The following EPHA5 variants were observed in gnomAD, a reference collection of about 807,000 sequenced individuals.
The protein encoded by EPHA5 is ephrin type-A receptor 5.
Under a neutral mutation model 105.0 loss-of-function variants are expected in EPHA5, and 60 were observed. That is an observed-to-expected ratio of 0.57 (90% confidence interval 0.46 to 0.71). The LOEUF (loss-of-function observed/expected upper bound fraction) is 0.71, where lower values mean the gene tolerates loss of function less well. EPHA5 is among the 30% of genes least tolerant of loss of function. EPHA5 has a pLI of 0.00. For synonymous variants in EPHA5, 513 were observed against 449.1 expected (o/e 1.14, Z -1.80); for missense variants, 1,218 against 1,274.7 (o/e 0.96, Z 0.68).
chr4:65,546,836 T>C (rs578064971), intron 3 of EPHA5, among the ~76,000 whole-genome samples: 24 of 127,820 alleles, frequency 1.9e-4, no homozygotes, highest in Admixed American at 8.1e-4. Flanking sequence ...CAAAAAATGT[T>C]ATTTTCTAAA....
intron 3 of EPHA5, among the ~76,000 whole-genome samples, chr4:65,568,855 C>G (rs1739827203): frequency 6.6e-6 from 1 of 150,984 alleles, no homozygotes; most frequent in Admixed American, 6.6e-5. Flanking sequence ...AAGTATTTCT[C>G]TAGTGATCTT....
At chr4:65,503,390 C>T (rs1283897748) in intron 3 of EPHA5, among the ~76,000 whole-genome samples, 2 of 151,820 alleles carry the variant, frequency 1.3e-5, no homozygotes, top group Non-Finnish European at 2.9e-5. Context: ...GGCAACGTCT[C>T]TTGAATAATA....
At chr4:65,362,781 A>G (rs1193992996) in intron 11 of EPHA5, among the ~76,000 whole-genome samples, 1 of 151,706 alleles carries the variant, frequency 6.6e-6, no homozygotes, top group Non-Finnish European at 1.5e-5. Flanking sequence ...CAAATAAACA[A>G]GTTTTGTAAT....
In EPHA5 at chr4:65,480,458, T is replaced by G. The variant is rs181993842; in HGVS notation, c.1402+9919A>C. ...CAAACCAACGGGCCCAGGCAAGATC[T>G]TGATTCAAATAGGCAAATTAAGAAA... is the stretch of plus-strand genomic sequence containing the variant. On this transcript the variant is annotated intron_variant, in intron 5 of 16. Transcript: ENST00000613740. Among the ~76,000 whole-genome samples the G allele has an allele frequency of 4.3e-3, 649 of 152,280 alleles. 3 individuals carry two copies. Among genetic ancestry groups the G allele is most frequent in the African/African-American group, 0.015 (606 of 41,546 alleles).
Position 65,367,675 on chromosome 4 carries a change from C to T in EPHA5, c.1794-251G>A, listed in dbSNP as rs113747856. On this transcript the variant is annotated intron_variant, in intron 8 of 16. Coordinates refer to ENST00000613740, the MANE Select transcript of EPHA5 (RefSeq NM_001281766.3). ...CCATCCAAACCTGTTTTTAAACTTC[C>T]CCTCACCAAATACTGTATACCAGAC... 8.0e-3 allele frequency among the ~76,000 whole-genome samples: 1,221 copies of T among 152,112 alleles called. 12 individuals are homozygous for T. Among genetic ancestry groups the T allele is most frequent in the African/African-American group, 0.028 (1,144 of 41,500 alleles).
At chr4:65,407,295 T>C (rs1722455147) in intron 7 of EPHA5, among the ~76,000 whole-genome samples, 1 of 151,948 alleles carries the variant, frequency 6.6e-6, no homozygotes, top group Non-Finnish European at 1.5e-5. Flanking sequence ...GGAGGAAGAG[T>C]CCACAATTAC....
chr4:65,328,196 T>G (rs1317932868), intron 16 of EPHA5, among the ~76,000 whole-genome samples: 1 of 151,106 alleles, frequency 6.6e-6, no homozygotes, highest in Non-Finnish European at 1.5e-5. Flanking sequence ...AATCTAAACA[T>G]GACGAGACTA....
At chr4:65,583,842 A>G (rs1304690244) in intron 3 of EPHA5, among the ~76,000 whole-genome samples, 1 of 151,686 alleles carries the variant, frequency 6.6e-6, no homozygotes, top group Non-Finnish European at 1.5e-5. Context: ...AGGTAGACTA[A>G]ATGTATACAT....
chr4:65,358,137 A>G (rs1357782413), intron 11 of EPHA5, among the ~76,000 whole-genome samples: 1 of 151,484 alleles, frequency 6.6e-6, no homozygotes, highest in Non-Finnish European at 1.5e-5. Flanking sequence ...ATATCCCCAG[A>G]GGCACATTAA....
chr4:65,496,394 C>T (rs1323620218), intron 3 of EPHA5, among the ~76,000 whole-genome samples: 2 of 133,888 alleles, frequency 1.5e-5, no homozygotes, highest in Admixed American at 8.0e-5. Flanking sequence ...CCCACCCCAC[C>T]ACAGGCCCCA....
chr4:65,465,467 A>AAG (rs771057848), intron 5 of EPHA5, among the ~76,000 whole-genome samples: 4 of 75,084 alleles, frequency 5.3e-5, no homozygotes, highest in South Asian at 5.5e-4. Context: ...AAAAGAAAGA[A>AAG]AAAGAAAGAA....
At chr4:65,345,252 T>C (rs565916863) in intron 14 of EPHA5, among the ~76,000 whole-genome samples, 151 of 152,250 alleles carry the variant, frequency 9.9e-4, no homozygotes, top group African/African-American at 3.4e-3. Flanking sequence ...AAGCAGGGCA[T>C]AAAGAAAACC....
At chr4:65,583,648 G>C (rs1741854873) in intron 3 of EPHA5, among the ~76,000 whole-genome samples, 1 of 151,706 alleles carries the variant, frequency 6.6e-6, no homozygotes, top group Non-Finnish European at 1.5e-5. Flanking sequence ...ACTCCAGGAA[G>C]ATATTACAGA....
intron 2 of EPHA5, among the ~76,000 whole-genome samples, chr4:65,604,894 G>A (rs1358355464): frequency 6.6e-6 from 1 of 152,072 alleles, no homozygotes; most frequent in Admixed American, 6.5e-5. Context: ...ATTTTTGTTG[G>A]ATTTTCCATG....
At chr4:65,608,767 A>C (rs35994234) in intron 2 of EPHA5, among the ~76,000 whole-genome samples, 9,346 of 152,268 alleles carry the variant, frequency 0.061, 393 homozygotes, top group Admixed American at 0.11. Flanking sequence ...ATTATACTGC[A>C]GAATAAACTG....
intron 7 of EPHA5, among the ~76,000 whole-genome samples, chr4:65,405,576 C>T (rs1449219570): frequency 1.3e-5 from 2 of 152,080 alleles, no homozygotes; most frequent in African/African-American, 4.8e-5. Flanking sequence ...TGCTGAGGAC[C>T]CTCTTGCACT....
chr4:65,615,166 A>G (rs1260491513), intron 2 of EPHA5, among the ~76,000 whole-genome samples: 1 of 151,818 alleles, frequency 6.6e-6, no homozygotes, highest in Non-Finnish European at 1.5e-5. Context: ...AGGAAAAATA[A>G]AATATATCAT....
chr4:65,558,524 T>C (rs1472572351), intron 3 of EPHA5, among the ~76,000 whole-genome samples: 21 of 152,160 alleles, frequency 1.4e-4, no homozygotes, highest in Non-Finnish European at 3.1e-4. Flanking sequence ...AGCACAGTAG[T>C]ATAGAATTTA....
chr4:65,358,827 T>C (rs1276310535), intron 11 of EPHA5, among the ~76,000 whole-genome samples: 1 of 151,576 alleles, frequency 6.6e-6, no homozygotes, highest in Non-Finnish European at 1.5e-5. Context: ...AAAATGTCTC[T>C]ATGGGTAGAA....
Sources: allele counts gnomAD v4.1 joint callset (sites outside exome capture counted in the v4.1 genomes callset), GRCh38; gene constraint gnomAD v4.1.1; transcripts MANE v1.5; gene names NCBI Gene and HGNC (gene_info 2026-07-23, HGNC 2026-07-21).